The following DLGAP2 variants were observed in gnomAD, a reference collection of about 807,000 sequenced individuals.
DLGAP2 encodes disks large-associated protein 2.
DLGAP2 carries 26 observed loss-of-function variants against 100.3 expected under a neutral mutation model. The observed-to-expected ratio is 0.26, with a 90% CI of 0.19 to 0.36. The LOEUF (loss-of-function observed/expected upper bound fraction) is 0.36, where lower values mean the gene tolerates loss of function less well. Ranked by LOEUF, DLGAP2 falls within the 10% of genes least tolerant of loss-of-function variation. The pLI is 1.00. For missense variants in DLGAP2, 1,858 were observed against 1,453.2 expected, an observed-to-expected ratio of 1.28 and a Z score of -4.53; for synonymous variants, 886 against 630.1, an observed-to-expected ratio of 1.41 and a Z score of -6.08.
intron 3 of DLGAP2, among the ~76,000 whole-genome samples, chr8:1,314,513 A>G (rs1036466900): frequency 6.6e-6 from 1 of 152,268 alleles, no homozygotes; most frequent in Non-Finnish European, 1.5e-5. Flanking sequence ...AACACTTTTA[A>G]CATGTCAGGG....
chr8:1,677,785 C>T (rs981226385), intron 11 of DLGAP2, among the ~76,000 whole-genome samples: 1 of 152,198 alleles, frequency 6.6e-6, no homozygotes, highest in Non-Finnish European at 1.5e-5. Context: ...ACAGAAGTGG[C>T]TCAGGCCCTG....
chr8:1,506,484 C>T lies in DLGAP2; in HGVS notation c.172+5053C>T, dbSNP rs979592170. Among the ~76,000 whole-genome samples the T allele has an allele frequency of 5.9e-5, 9 of 152,168 alleles. No homozygotes were observed. The East Asian group carries it at 1.7e-3, about 29-fold the overall frequency. ...CTCAATGGCCTCAGGAGTGAAGCTGCAGATCTTCGCGGTGAGTGTTGCAGC... is the reference window on the plus strand; with the variant it reads ...CTCAATGGCCTCAGGAGTGAAGCTGTAGATCTTCGCGGTGAGTGTTGCAGC... On this transcript the variant is annotated intron_variant, in intron 4 of 14. Transcript: ENST00000637795.
intron 3 of DLGAP2, among the ~76,000 whole-genome samples, chr8:1,318,185 T>A (rs907689431): frequency 1.4e-4 from 21 of 152,156 alleles, no homozygotes; most frequent in Non-Finnish European, 3.1e-4. Context: ...TCTCCAACAG[T>A]CTACAAATGG....
chr8:1,388,560 A>C (rs1222687994), intron 3 of DLGAP2, among the ~76,000 whole-genome samples: 5 of 54,246 alleles, frequency 9.2e-5, no homozygotes, highest in South Asian at 7.1e-4. Context: ...AGGCAGAGGC[A>C]GTGGGTGGGG....
intron 2 of DLGAP2, among the ~76,000 whole-genome samples, chr8:1,177,081 A>G (rs996643762): frequency 3.9e-5 from 6 of 152,160 alleles, no homozygotes; most frequent in Non-Finnish European, 8.8e-5. Flanking sequence ...ATATTATAAC[A>G]ATATAGTCAA....
intron 2 of DLGAP2, among the ~76,000 whole-genome samples, chr8:1,136,247 C>T (rs1585094239): frequency 6.6e-6 from 1 of 152,082 alleles, no homozygotes; most frequent in Non-Finnish European, 1.5e-5. Flanking sequence ...GACCTCACAC[C>T]TGGCCTCAAT....
intron 4 of DLGAP2, among the ~76,000 whole-genome samples, chr8:1,524,055 G>A (rs947584566): frequency 6.6e-6 from 1 of 152,190 alleles, no homozygotes; most frequent in Non-Finnish European, 1.5e-5. Context: ...TGATCTGCAG[G>A]GACGTCGTCC....
intron 3 of DLGAP2, among the ~76,000 whole-genome samples, chr8:1,496,944 C>CATT (rs1799567083): frequency 6.6e-6 from 1 of 152,038 alleles, no homozygotes; most frequent in Admixed American, 6.5e-5. Context: ...TCCAGTCACA[C>CATT]GTTGTGGAGT....
At chr8:1,549,808 C>A (rs1801698129) in intron 5 of DLGAP2, 125 bp downstream of exon 5, 1 of 1,083,134 alleles carries the variant, frequency 9.2e-7, no homozygotes, top group Non-Finnish European at 1.3e-6. Flanking sequence ...ATGTTCTGAG[C>A]TACGGATATG....
At chr8:1,138,233 T>G (rs530609616) in intron 2 of DLGAP2, among the ~76,000 whole-genome samples, 2 of 152,248 alleles carry the variant, frequency 1.3e-5, no homozygotes, top group African/African-American at 2.4e-5. Flanking sequence ...GCTCCCTGAG[T>G]CCCCTGTTGG....
chr8:1,523,335 G>A (rs1234458590), intron 4 of DLGAP2, among the ~76,000 whole-genome samples: 9 of 152,230 alleles, frequency 5.9e-5, no homozygotes. Flanking sequence ...GCGTCACGGG[G>A]TCACCGTCCC....
intron 1 of DLGAP2, among the ~76,000 whole-genome samples, chr8:857,732 T>C (rs1468117157): frequency 6.6e-6 from 1 of 151,986 alleles, no homozygotes; most frequent in African/African-American, 2.4e-5. Flanking sequence ...CTGTGGGGAG[T>C]GCAAAATGGT....
At chr8:1,485,830 G>C (rs1020266535) in intron 3 of DLGAP2, among the ~76,000 whole-genome samples, 2 of 152,148 alleles carry the variant, frequency 1.3e-5, no homozygotes, top group Non-Finnish European at 2.9e-5. Context: ...TTTGAGAACA[G>C]CCTGGCCAAC....
intron 5 of DLGAP2, chr8:1,565,450 A>G (rs1356240453): frequency 2.3e-6 from 1 of 428,170 alleles, no homozygotes; most frequent in African/African-American, 2.0e-5. Context: ...CTTTTCTCAC[A>G]TGTTCTCACT....
chr8:1,630,260 C>T (rs1797609054), intron 7 of DLGAP2, among the ~76,000 whole-genome samples: 1 of 152,170 alleles, frequency 6.6e-6, no homozygotes. Flanking sequence ...CAAACTTCCA[C>T]TAATTGATTG....
intron 2 of DLGAP2, among the ~76,000 whole-genome samples, chr8:1,061,476 G>A (rs1803080593): frequency 6.6e-6 from 1 of 152,104 alleles, no homozygotes; most frequent in Non-Finnish European, 1.5e-5. Context: ...TGCAGCCCAT[G>A]AGCTGTGGAA....
intron 3 of DLGAP2, among the ~76,000 whole-genome samples, chr8:1,479,132 C>A (rs1057015904): frequency 2.0e-5 from 3 of 152,262 alleles, no homozygotes; most frequent in Admixed American, 6.5e-5. Context: ...AACGCTGGGA[C>A]AGCAGCCAGC....
At chr8:818,550 T>C (rs1461818364) in intron 1 of DLGAP2, among the ~76,000 whole-genome samples, 1 of 152,214 alleles carries the variant, frequency 6.6e-6, no homozygotes, top group Non-Finnish European at 1.5e-5. Context: ...TCCTAGTATG[T>C]TCCTGCCGTA....
chr8:937,875 G>C (rs1180515043), intron 2 of DLGAP2, among the ~76,000 whole-genome samples: 2 of 152,150 alleles, frequency 1.3e-5, no homozygotes, highest in Non-Finnish European at 2.9e-5. Context: ...CTGCCTTTTT[G>C]TGACTCTGTG....
Sources: gnomAD v4.1 joint callset for allele counts (sites outside exome capture counted in the v4.1 genomes callset) on GRCh38, gnomAD v4.1.1 for gene constraint, MANE v1.5 for transcripts, NCBI Gene and HGNC (gene_info 2026-07-23, HGNC 2026-07-21) for gene names.